Variants in PLCB1 observed in about 807,000 individuals in gnomAD.
The protein encoded by PLCB1 is phospholipase C beta 1, also known as 1-phosphatidylinositol 4,5-bisphosphate phosphodiesterase beta-1.
A neutral mutation model predicts 161.8 loss-of-function variants in PLCB1; 46 were observed. That is an observed-to-expected ratio of 0.28 (90% confidence interval 0.22 to 0.36). PLCB1 has a LOEUF of 0.36. Among genes scored for constraint, PLCB1 ranks in the 10% least tolerant of loss-of-function variants. The pLI, the probability that PLCB1 is intolerant of heterozygous loss-of-function variation, is 1.00. For missense variants in PLCB1, 1,016 were observed against 1,472.5 expected (o/e 0.69, Z 5.07); for synonymous variants, 517 against 503.7 (o/e 1.03, Z -0.35).
chr20:8,871,582 G>A (rs1016268026), intron 31 of PLCB1, among the ~76,000 whole-genome samples: 14 of 152,128 alleles, frequency 9.2e-5, no homozygotes, highest in African/African-American at 2.7e-4. Context: ...CACCTAGGAC[G>A]GATTCTAATT....
At chr20:8,493,965 T>C (rs1188713163) in intron 3 of PLCB1, among the ~76,000 whole-genome samples, 1 of 131,186 alleles carries the variant, frequency 7.6e-6, no homozygotes, top group Non-Finnish European at 1.6e-5. Context: ...GAACCTCAGG[T>C]AGTAGTCCTT....
At position 8,789,593 on chromosome 20, in the gene PLCB1, G is replaced by A. The variant is rs760666448; in HGVS notation, c.3336+18G>A. ...TCAAGAGGGTATGTGGGCTCATCAC[G>A]CTCTCTCCTTTGCAAAACATGTGTG... On this transcript the variant is annotated intron_variant, in intron 30 of 31. Coordinates refer to ENST00000338037, the MANE Select transcript of PLCB1 (RefSeq NM_015192.4). The A allele has an allele frequency of 1.1e-5, 17 of 1,578,320 alleles. No individual in the cohort carries two copies. The highest frequency in any genetic ancestry group is 4.4e-5 in the South Asian group (4 of 90,276).
intron 26 of PLCB1, among the ~76,000 whole-genome samples, chr20:8,768,288 G>T (rs6056082): frequency 0.32 from 48,242 of 151,846 alleles, 7,721 homozygotes; most frequent in Middle Eastern, 0.49. Context: ...GTGGTTGCTG[G>T]CAATCTTTGG....
intron 2 of PLCB1, among the ~76,000 whole-genome samples, chr20:8,167,313 T>C (rs893551447): frequency 6.6e-6 from 1 of 152,176 alleles, no homozygotes; most frequent in Non-Finnish European, 1.5e-5. Context: ...TTTATTACCA[T>C]TGGAAATATA....
intron 2 of PLCB1, among the ~76,000 whole-genome samples, chr20:8,293,692 T>G (rs1983492228): frequency 6.6e-6 from 1 of 152,160 alleles, no homozygotes; most frequent in South Asian, 2.1e-4. Context: ...AATATCATTA[T>G]GAAATTATTT....
chr20:8,648,977 G>T (rs960363774), intron 6 of PLCB1, among the ~76,000 whole-genome samples: 28 of 150,428 alleles, frequency 1.9e-4, no homozygotes, highest in African/African-American at 6.4e-4. Flanking sequence ...GAAAAGAAAA[G>T]AAATTAATTT....
chr20:8,425,761 C>T (rs1386380284), intron 3 of PLCB1, among the ~76,000 whole-genome samples: 1 of 152,144 alleles, frequency 6.6e-6, no homozygotes, highest in African/African-American at 2.4e-5. Context: ...AAGTGCAAAA[C>T]AATTTTTTCC....
intron 2 of PLCB1, among the ~76,000 whole-genome samples, chr20:8,279,057 G>A (rs1982744987): frequency 6.6e-6 from 1 of 151,918 alleles, no homozygotes; most frequent in South Asian, 2.1e-4. Flanking sequence ...TTGCTGGTGG[G>A]AATGTAAAAT....
intron 3 of PLCB1, among the ~76,000 whole-genome samples, chr20:8,405,323 C>G (rs1349894916): frequency 6.6e-6 from 1 of 152,282 alleles, no homozygotes; most frequent in Non-Finnish European, 1.5e-5. Flanking sequence ...AATCAGCACT[C>G]TTCTGGTTTC....
At chr20:8,206,980 G>A (rs1978568378) in intron 2 of PLCB1, among the ~76,000 whole-genome samples, 1 of 94,524 alleles carries the variant, frequency 1.1e-5, no homozygotes. Context: ...AAAAATACAA[G>A]GAGAATAAAA....
intron 31 of PLCB1, among the ~76,000 whole-genome samples, chr20:8,846,690 G>A (rs1055348669): frequency 6.6e-6 from 1 of 152,118 alleles, no homozygotes; most frequent in Non-Finnish European, 1.5e-5. Flanking sequence ...GTATCATATT[G>A]ATTAACACAG....
chr20:8,276,230 G>C (rs920999698), intron 2 of PLCB1, among the ~76,000 whole-genome samples: 15 of 152,152 alleles, frequency 9.9e-5, no homozygotes, highest in Non-Finnish European at 1.2e-4. Flanking sequence ...AGATAAAATT[G>C]TATCAGATCA....
At chr20:8,221,122 C>A (rs1029277358) in intron 2 of PLCB1, among the ~76,000 whole-genome samples, 3 of 152,076 alleles carry the variant, frequency 2.0e-5, no homozygotes, top group Non-Finnish European at 4.4e-5. Context: ...TATATGCATA[C>A]ATATATCTTC....
chr20:8,321,432 A>G (rs890144289), intron 2 of PLCB1, among the ~76,000 whole-genome samples: 1 of 151,860 alleles, frequency 6.6e-6, no homozygotes, highest in Non-Finnish European at 1.5e-5. Context: ...TCTGCTGCCT[A>G]AGAATTTGGT....
At chr20:8,237,221 TCAGC>T (rs1980372360) in intron 2 of PLCB1, among the ~76,000 whole-genome samples, 1 of 152,060 alleles carries the variant, frequency 6.6e-6, no homozygotes, top group South Asian at 2.1e-4. Context: ...CTGTAAGTAT[TCAGC>T]CAAAGGAATA....
At position 8,831,983 on chromosome 20, in the gene PLCB1, CTTCT is replaced by C. The variant is rs1986035557; in HGVS notation, c.3423+41731_3423+41734del. The stretch of plus-strand genomic sequence containing the variant: ...CTTTCTTTCTTTCTTTCTTTCTTTC[CTTCT>C]TTCTTTCTGTGCTTCTTTCTTTCTT... On this transcript the variant is annotated intron_variant, in intron 31 of 31. Coordinates refer to ENST00000338037, the MANE Select transcript of PLCB1 (RefSeq NM_015192.4). Among the ~76,000 whole-genome samples the C allele has an allele frequency of 4.1e-5, 2 of 48,344 alleles. 1 individual carries two copies. Among genetic ancestry groups the C allele is most frequent in the Non-Finnish European group, 8.4e-5 (2 of 23,874 alleles). 31.7% of individuals were successfully genotyped at this position (48,344 alleles called of 152,430 possible).
chr20:8,179,383 CT>C (rs1259207665), intron 2 of PLCB1, among the ~76,000 whole-genome samples: 1 of 151,910 alleles, frequency 6.6e-6, no homozygotes, highest in African/African-American at 2.4e-5. Context: ...GTATTTTATT[CT>C]TTTTTTGTGG....
At chr20:8,744,435 G>A (rs1176544555) in intron 23 of PLCB1, among the ~76,000 whole-genome samples, 1 of 151,776 alleles carries the variant, frequency 6.6e-6, no homozygotes, top group Non-Finnish European at 1.5e-5. Flanking sequence ...TGAGTGAGCT[G>A]AAATTTATCT....
intron 2 of PLCB1, among the ~76,000 whole-genome samples, chr20:8,327,542 A>T (rs1985205014): frequency 6.6e-6 from 1 of 152,204 alleles, no homozygotes; most frequent in Admixed American, 6.5e-5. Context: ...TCTTGCCAAA[A>T]CGAAGAAAGG....
Sources: allele counts gnomAD v4.1 joint callset (sites outside exome capture counted in the v4.1 genomes callset), GRCh38; gene constraint gnomAD v4.1.1; transcripts MANE v1.5; gene names NCBI Gene and HGNC (gene_info 2026-07-23, HGNC 2026-07-21).